DCAF6: variants seen among roughly 807,000 people sequenced by gnomAD.
DCAF6 encodes DDB1- and CUL4-associated factor 6.
Under a neutral mutation model 125.1 loss-of-function variants are expected in DCAF6, and 54 were observed. The ratio of observed to expected loss-of-function variants is 0.43; its 90% CI spans 0.35 to 0.54. The LOEUF (loss-of-function observed/expected upper bound fraction) is 0.54, where lower values mean the gene tolerates loss of function less well. Ranked by LOEUF, DCAF6 falls within the 20% of genes least tolerant of loss-of-function variation. The pLI is 0.01. For synonymous variants in DCAF6, 371 were observed against 390.4 expected (o/e 0.95, Z 0.58); for missense variants, 934 against 1,161.7 (o/e 0.80, Z 2.85).
chr1:168,053,983 A>C (rs1690278344), intron 17 of DCAF6, among the ~76,000 whole-genome samples: 1 of 152,206 alleles, frequency 6.6e-6, no homozygotes, highest in Admixed American at 6.5e-5. Context: ...TGTAAGGCAA[A>C]GAATCCAGTT....
intron 7 of DCAF6, among the ~76,000 whole-genome samples, chr1:167,993,991 CTAAT>C (rs1173082241): frequency 1.3e-5 from 2 of 151,506 alleles, no homozygotes; most frequent in South Asian, 2.1e-4. Flanking sequence ...TTACTAATTA[CTAAT>C]TATAGTTAGT....
chr1:168,016,493 C>G (rs533062152), intron 11 of DCAF6, among the ~76,000 whole-genome samples: 1 of 152,226 alleles, frequency 6.6e-6, no homozygotes, highest in African/African-American at 2.4e-5. Flanking sequence ...TATACGTAAT[C>G]AACTTTCTGA....
the DCAF6 span, chr1:167,905,112 T>A: frequency 1.2e-6 from 2 of 1,614,228 alleles, no homozygotes; most frequent in Admixed American, 1.7e-5. Flanking sequence ...TATGGGCCAG[T>A]CCTGGAATTC....
chr1:167,875,747 G>A, the DCAF6 span, among the ~76,000 whole-genome samples: 6 of 151,850 alleles, frequency 4.0e-5, no homozygotes, highest in East Asian at 3.9e-4. Flanking sequence ...TCAGGAGATC[G>A]AGACCATCCT....
chr1:168,064,266 T>C (rs1692050759), intron 18 of DCAF6, among the ~76,000 whole-genome samples: 1 of 152,088 alleles, frequency 6.6e-6, no homozygotes, highest in Admixed American at 6.5e-5. Flanking sequence ...ACCAGAAAGA[T>C]CTCTAAGATC....
chr1:167,925,519 CG>C, the DCAF6 span, among the ~76,000 whole-genome samples: 1,831 of 111,280 alleles, frequency 0.016, 50 homozygotes, highest in African/African-American at 0.056. Flanking sequence ...ATACAAACAA[CG>C]TTTTTTTTTT....
the DCAF6 span, chr1:167,920,047 AT>A: frequency 6.2e-7 from 1 of 1,613,540 alleles, no homozygotes. Flanking sequence ...ACAGACTCCA[AT>A]TTTTTGGAAT....
At chr1:167,968,186 T>C (rs1676725349) in intron 3 of DCAF6, among the ~76,000 whole-genome samples, 1 of 152,154 alleles carries the variant, frequency 6.6e-6, no homozygotes, top group African/African-American at 2.4e-5. Flanking sequence ...GTAATTTCAA[T>C]AGGGAAAGTG....
At chr1:167,907,039 T>C in the DCAF6 span, among the ~76,000 whole-genome samples, 1 of 152,166 alleles carries the variant, frequency 6.6e-6, no homozygotes, top group Non-Finnish European at 1.5e-5. Context: ...AAGAAAGAAT[T>C]GAAATCCAAG....
chr1:167,922,485 G>GAT, the DCAF6 span, among the ~76,000 whole-genome samples: 1 of 151,826 alleles, frequency 6.6e-6, no homozygotes, highest in African/African-American at 2.4e-5. Flanking sequence ...CCACTATAAA[G>GAT]ATATATTATT....
chr1:168,072,354 A>ATC (rs927863850), intron 21 of DCAF6, among the ~76,000 whole-genome samples: 15 of 150,184 alleles, frequency 1.0e-4, no homozygotes, highest in African/African-American at 3.7e-4. Flanking sequence ...TGGTCACTCA[A>ATC]TCTAAAGTTG....
intron 1 of DCAF6, among the ~76,000 whole-genome samples, chr1:167,946,671 T>C (rs1158317322): frequency 6.6e-6 from 1 of 152,228 alleles, no homozygotes; most frequent in East Asian, 1.9e-4. Context: ...ATGTATCACA[T>C]TTATTGATTT....
chr1:168,056,182 C>G (rs1427966340), intron 17 of DCAF6: 1 of 1,608,948 alleles, frequency 6.2e-7, no homozygotes, highest in African/African-American at 1.4e-5. Flanking sequence ...TAAACAACAT[C>G]TCCCAACGCT....
In DCAF6 at chr1:168,015,928, C is replaced by T; in HGVS notation, c.1526C>T (p.Ser509Phe). 1 of 1,517,268 alleles carries T rather than the reference C, an allele frequency of 6.6e-7. No individual in the cohort carries two copies. Among genetic ancestry groups the T allele is most frequent in the Non-Finnish European group, 8.8e-7 (1 of 1,131,032 alleles). 94.0% of individuals were successfully genotyped at this position (1,517,268 alleles called of 1,614,324 possible). A position where few individuals can be genotyped will look rare whatever the true frequency, so the allele number is the denominator to read the frequency against. Residue 509 changes from serine (S) to phenylalanine (F), a missense_variant, in exon 11 of 22, where the codon TCT becomes TTT. By Grantham distance (155) the Ser-to-Phe change is radical. Transcript: ENST00000367840. ...STSDQSSHEG[S>F]SQDPHASDSP... is the part of the protein sequence containing the mutation. Reference sequence around the variant, plus strand: ...TCTGATCAGTCTTCTCATGAGGGCTCTTCACAGGACCCTCATGCTTCAGGT... The same window carrying T: ...TCTGATCAGTCTTCTCATGAGGGCTTTTCACAGGACCCTCATGCTTCAGGT...
intron 2 of DCAF6, among the ~76,000 whole-genome samples, chr1:167,956,745 T>A (rs1453379539): frequency 6.6e-6 from 1 of 152,146 alleles, no homozygotes; most frequent in African/African-American, 2.4e-5. Flanking sequence ...ATCCATAAAT[T>A]GAGATATGTT....
the DCAF6 span, among the ~76,000 whole-genome samples, chr1:167,882,188 T>A: frequency 6.6e-6 from 1 of 152,082 alleles, no homozygotes; most frequent in Non-Finnish European, 1.5e-5. Flanking sequence ...CTGAATTGAT[T>A]AAGAACAGAG....
chr1:167,879,971 A>T, the DCAF6 span: 5 of 733,006 alleles, frequency 6.8e-6, no homozygotes, highest in Admixed American at 8.0e-5. Context: ...TGAGGGCTCC[A>T]TGGCTTGGCT....
At chr1:168,048,593 G>A (rs142886792) in intron 16 of DCAF6, among the ~76,000 whole-genome samples, 38 of 152,262 alleles carry the variant, frequency 2.5e-4, no homozygotes, top group African/African-American at 9.1e-4. Flanking sequence ...AGAAGGAAAT[G>A]TCTTAGAAAA....
At chr1:167,989,185 T>A (rs1471666397) in intron 5 of DCAF6, among the ~76,000 whole-genome samples, 7 of 152,224 alleles carry the variant, frequency 4.6e-5, no homozygotes, top group African/African-American at 1.7e-4. Flanking sequence ...AGCATTGAAC[T>A]AAACTCAGAA....
Sources: allele counts gnomAD v4.1 joint callset (sites outside exome capture counted in the v4.1 genomes callset), GRCh38; gene constraint gnomAD v4.1.1; transcripts MANE v1.5; gene names NCBI Gene and HGNC (gene_info 2026-07-23, HGNC 2026-07-21).